PTPRD: variants seen among roughly 807,000 people sequenced by gnomAD.
The protein encoded by PTPRD is protein tyrosine phosphatase receptor type D.
In PTPRD, 34 loss-of-function variants were observed where a neutral mutation model predicts 214.5. That is an observed-to-expected ratio of 0.16 (90% confidence interval 0.12 to 0.21). The LOEUF is 0.21. PTPRD is among the 10% of genes least tolerant of loss of function. The pLI, the probability that PTPRD is intolerant of heterozygous loss-of-function variation, is 1.00. For synonymous variants in PTPRD, 1,128 were observed against 845.7 expected (o/e 1.33, Z -5.79); for missense variants, 2,545 against 2,398.7 (o/e 1.06, Z -1.27).
chr9:8,407,693 G>T (rs2093132932), intron 35 of PTPRD, among the ~76,000 whole-genome samples: 1 of 152,156 alleles, frequency 6.6e-6, no homozygotes, highest in Admixed American at 6.6e-5. Flanking sequence ...TAAAAATGAG[G>T]TTGGCTTCAC....
chr9:8,493,171 G>A (rs1162903390), intron 26 of PTPRD, among the ~76,000 whole-genome samples, 192 bp from the exon 27 acceptor site: 1 of 152,138 alleles, frequency 6.6e-6, no homozygotes, highest in Non-Finnish European at 1.5e-5. Context: ...GGCATCTTCA[G>A]GCATCTTGGG....
intron 3 of PTPRD, among the ~76,000 whole-genome samples, chr9:10,103,498 T>C (rs2154216890): frequency 6.6e-6 from 1 of 150,628 alleles, no homozygotes; most frequent in African/African-American, 2.4e-5. Flanking sequence ...ACCCCAAATA[T>C]CTGGAGCAAA....
At chr9:10,246,250 T>C (rs1310433023) in intron 3 of PTPRD, among the ~76,000 whole-genome samples, 2 of 152,166 alleles carry the variant, frequency 1.3e-5, no homozygotes, top group Non-Finnish European at 1.5e-5. Context: ...ATTTTTGTTT[T>C]GTTTTGTTTT....
chr9:9,546,473 C>T (rs1249330828), intron 8 of PTPRD, among the ~76,000 whole-genome samples: 3 of 151,218 alleles, frequency 2.0e-5, no homozygotes, highest in African/African-American at 4.9e-5. Flanking sequence ...CATTATTTGC[C>T]CTCCTTAGGT....
intron 11 of PTPRD, among the ~76,000 whole-genome samples, chr9:8,972,604 T>G (rs1461195209): frequency 6.6e-6 from 1 of 151,946 alleles, no homozygotes; most frequent in Non-Finnish European, 1.5e-5. Flanking sequence ...GGACTGTTAG[T>G]CAATAACCTT....
intron 8 of PTPRD, among the ~76,000 whole-genome samples, chr9:9,436,408 T>C (rs904626636): frequency 9.9e-5 from 15 of 152,142 alleles, no homozygotes; most frequent in East Asian, 1.9e-4. Context: ...ACTGGATATA[T>C]TGAACCCTTT....
At chr9:8,492,839 C>T (rs2136297712) in intron 27 of PTPRD, 23 bp downstream of exon 27, 3 of 1,563,068 alleles carry the variant, frequency 1.9e-6, no homozygotes, top group Non-Finnish European at 2.6e-6. Context: ...GTTCAAGGCA[C>T]ATACATGCAC....
At chr9:8,610,983 T>C (rs758184893) in intron 14 of PTPRD, among the ~76,000 whole-genome samples, 1 of 152,248 alleles carries the variant, frequency 6.6e-6, no homozygotes, top group African/African-American at 2.4e-5. Flanking sequence ...ATTATGGTTT[T>C]ATATTTTCAT....
intron 2 of PTPRD, among the ~76,000 whole-genome samples, chr9:10,394,964 T>TTG (rs2098140236): frequency 6.7e-6 from 1 of 148,846 alleles, no homozygotes; most frequent in African/African-American, 2.5e-5. Flanking sequence ...TTTCTTTTTT[T>TTG]TTTTTTTTTT....
intron 5 of PTPRD, among the ~76,000 whole-genome samples, chr9:9,847,829 T>C (rs573751283): frequency 1.3e-5 from 2 of 152,170 alleles, no homozygotes; most frequent in South Asian, 2.1e-4. Flanking sequence ...GGCTGGGAAA[T>C]GAAAGTGCTT....
chr9:9,307,871 A>G (rs771467555), intron 9 of PTPRD, among the ~76,000 whole-genome samples: 6 of 152,140 alleles, frequency 3.9e-5, no homozygotes, highest in Non-Finnish European at 8.8e-5. Flanking sequence ...CCACCAGATT[A>G]AAACCTGGGA....
chr9:10,523,662 AAG>A (rs1196761087), intron 2 of PTPRD, among the ~76,000 whole-genome samples: 144 of 115,870 alleles, frequency 1.2e-3, no homozygotes, highest in East Asian at 3.1e-3. Flanking sequence ...GAGAGAAATA[AAG>A]AGAGAGAGAG....
intron 11 of PTPRD, among the ~76,000 whole-genome samples, chr9:8,856,493 T>C (rs917702163): frequency 3.3e-5 from 5 of 152,318 alleles, no homozygotes; most frequent in African/African-American, 1.2e-4. Context: ...TCAAACTGTG[T>C]GAGCTACACT....
At chr9:8,718,736 C>G (rs1435194785) in intron 12 of PTPRD, among the ~76,000 whole-genome samples, 2 of 152,202 alleles carry the variant, frequency 1.3e-5, no homozygotes, top group African/African-American at 2.4e-5. Flanking sequence ...CTCCTATTTA[C>G]TGCCAGGACA....
intron 7 of PTPRD, among the ~76,000 whole-genome samples, chr9:9,702,980 A>G (rs1436703349): frequency 6.6e-6 from 1 of 152,210 alleles, no homozygotes; most frequent in African/African-American, 2.4e-5. Context: ...CTTTTTAAAC[A>G]GAATGTACTA....
intron 8 of PTPRD, among the ~76,000 whole-genome samples, chr9:9,560,431 G>C (rs972034634): frequency 7.9e-5 from 12 of 152,222 alleles, no homozygotes; most frequent in African/African-American, 2.9e-4. Context: ...TGCTGGCAAA[G>C]ATATGTTCCT....
At chr9:9,264,172 C>T (rs1383248806) in intron 9 of PTPRD, among the ~76,000 whole-genome samples, 2 of 151,488 alleles carry the variant, frequency 1.3e-5, no homozygotes, top group Admixed American at 1.3e-4. Context: ...TATGACACCC[C>T]CAAAGGTACA....
chr9:10,458,900 G>C (rs1588630734), intron 2 of PTPRD, among the ~76,000 whole-genome samples: 1 of 151,944 alleles, frequency 6.6e-6, no homozygotes, highest in Non-Finnish European at 1.5e-5. Flanking sequence ...ACTTTAAAAA[G>C]GATTTTTTTT....
At chr9:9,631,191 T>TTATA (rs1226913876) in intron 7 of PTPRD, among the ~76,000 whole-genome samples, 14 of 110,092 alleles carry the variant, frequency 1.3e-4, no homozygotes, top group African/African-American at 6.4e-4. Flanking sequence ...AGTATCTCAT[T>TTATA]CATAAATAAA....
Sources: allele counts gnomAD v4.1 joint callset (sites outside exome capture counted in the v4.1 genomes callset), GRCh38; gene constraint gnomAD v4.1.1; transcripts MANE v1.5; gene names NCBI Gene and HGNC (gene_info 2026-07-23, HGNC 2026-07-21).